SH3D19: variants seen among roughly 807,000 people sequenced by gnomAD.
SH3D19 encodes the protein SH3 domain-containing protein 19.
In SH3D19, 58 loss-of-function variants were observed where a neutral mutation model predicts 112.1. That is an observed-to-expected ratio of 0.52 (90% confidence interval 0.42 to 0.64). SH3D19 has a LOEUF of 0.64. Among genes scored for constraint, SH3D19 ranks in the 30% least tolerant of loss-of-function variants. SH3D19 has a pLI of 0.00. For missense variants in SH3D19, 1,090 were observed against 1,263.4 expected (o/e 0.86, Z 2.08); for synonymous variants, 391 against 448.5 (o/e 0.87, Z 1.62).
intron 1 of SH3D19, among the ~76,000 whole-genome samples, chr4:151,228,866 T>G (rs1436080438): frequency 1.3e-5 from 2 of 151,632 alleles, no homozygotes; most frequent in African/African-American, 4.8e-5. Context: ...CTTTTTTTTT[T>G]TCTTTTGAGA....
At chr4:151,306,298 A>T (rs1728907045) in intron 1 of SH3D19, among the ~76,000 whole-genome samples, 1 of 152,214 alleles carries the variant, frequency 6.6e-6, no homozygotes, top group South Asian at 2.1e-4. Flanking sequence ...AAATTAAAGA[A>T]GAAAAGACTA....
intron 2 of SH3D19, among the ~76,000 whole-genome samples, chr4:151,188,934 T>C (rs534619693): frequency 1.3e-5 from 2 of 152,244 alleles, no homozygotes; most frequent in East Asian, 1.9e-4. Context: ...TCTTAGAAGA[T>C]GGCCATCTGA....
In SH3D19 at chr4:151,173,985, C is replaced by G. The variant is rs1252156418; in HGVS notation, c.1534+685G>C. Among the ~76,000 whole-genome samples, 4 of 152,350 alleles carry G rather than the reference C, an allele frequency of 2.6e-5. No homozygotes were observed. The East Asian group carries it at 7.7e-4, about 29-fold the overall frequency. On this transcript the variant is annotated intron_variant, in intron 7 of 19. Transcript: ENST00000604030. The stretch of plus-strand genomic sequence containing the variant: ...ACAGTTAGAGGAAAGAAAACATACT[C>G]TCTGCCTTCTGGGATATTTAATTGT...
At chr4:151,310,184 G>A (rs1367496799) in intron 1 of SH3D19, among the ~76,000 whole-genome samples, 6 of 136,828 alleles carry the variant, frequency 4.4e-5, no homozygotes, top group Non-Finnish European at 9.2e-5. Context: ...GACCAGCCTG[G>A]TTAACACAGC....
At chr4:151,246,038 A>T (rs1178567222) in intron 1 of SH3D19, among the ~76,000 whole-genome samples, 1 of 130,762 alleles carries the variant, frequency 7.6e-6, no homozygotes, top group Non-Finnish European at 1.8e-5. Context: ...CATTGAAGAC[A>T]TACAAAAAAA....
intron 19 of SH3D19, among the ~76,000 whole-genome samples, chr4:151,123,311 C>T (rs774754002): frequency 2.0e-5 from 3 of 152,142 alleles, no homozygotes; most frequent in Non-Finnish European, 1.5e-5. Context: ...GCTATGTGGC[C>T]GCCAGATTTT....
intron 1 of SH3D19, among the ~76,000 whole-genome samples, chr4:151,235,972 A>G (rs1440350446): frequency 6.6e-6 from 1 of 152,180 alleles, no homozygotes; most frequent in Non-Finnish European, 1.5e-5. Flanking sequence ...CACTTCTCAA[A>G]TGAACTGAAC....
intron 1 of SH3D19, among the ~76,000 whole-genome samples, chr4:151,234,766 TA>T (rs1561387893): frequency 5.6e-4 from 49 of 87,146 alleles, no homozygotes; most frequent in East Asian, 1.9e-3. Flanking sequence ...TTTTTTTTTT[TA>T]GACAGGGGCT....
At chr4:151,169,482 G>A (rs901290136) in intron 7 of SH3D19, among the ~76,000 whole-genome samples, 2 of 152,130 alleles carry the variant, frequency 1.3e-5, no homozygotes, top group African/African-American at 4.8e-5. Context: ...CAGATTAGTG[G>A]GGAGGATAAA....
chr4:151,174,723 G>A lies in SH3D19; in HGVS notation c.1481C>T (p.Pro494Leu), dbSNP rs142380318. ...DLISFDDDVL[P>L]TPSGNLAEES... ...TTCAGCCAGGTTCCCCGATGGGGTGGGCAAAACATCATCATCAAAGCTGAT... is the reference window on the plus strand; with the variant it reads ...TTCAGCCAGGTTCCCCGATGGGGTGAGCAAAACATCATCATCAAAGCTGAT... Residue 494 changes from proline to leucine, a missense_variant, in exon 7 of 20, where the codon CCC (proline) becomes CTC (leucine). Pro to Leu is a moderately conservative substitution (Grantham distance 98). Transcript: ENST00000604030. The A allele has an allele frequency of 4.9e-5, 74 of 1,515,980 alleles. No individual in the cohort carries two copies. Among genetic ancestry groups the A allele is most frequent in the Non-Finnish European group, 6.3e-5 (71 of 1,134,066 alleles). The allele number at this position is 1,515,980 out of a possible 1,614,324, so 93.9% of individuals were successfully genotyped here.
chr4:151,208,567 A>G (rs1415020174), intron 2 of SH3D19, among the ~76,000 whole-genome samples: 1 of 151,958 alleles, frequency 6.6e-6, no homozygotes, highest in Non-Finnish European at 1.5e-5. Context: ...ATGGGGTTTC[A>G]CCATGTTTGT....
At chr4:151,208,268 G>GA (rs1765392610) in intron 2 of SH3D19, among the ~76,000 whole-genome samples, 1 of 152,220 alleles carries the variant, frequency 6.6e-6, no homozygotes, top group South Asian at 2.1e-4. Flanking sequence ...CTCCATGGGT[G>GA]AGAGTTCCAG....
chr4:151,166,047 C>T (rs1337153856), intron 7 of SH3D19: 1 of 197,612 alleles, frequency 5.1e-6, no homozygotes, highest in East Asian at 1.4e-4. Flanking sequence ...CATCCTAAAG[C>T]CTCCCAGATG....
At chr4:151,304,303 T>C (rs1043268378) in intron 1 of SH3D19, among the ~76,000 whole-genome samples, 1 of 152,196 alleles carries the variant, frequency 6.6e-6, no homozygotes, top group Admixed American at 6.5e-5. Context: ...TAGCAACTAA[T>C]GAAACACTGA....
intron 14 of SH3D19, among the ~76,000 whole-genome samples, chr4:151,136,108 A>G (rs1033083750): frequency 6.6e-6 from 1 of 152,224 alleles, no homozygotes; most frequent in Non-Finnish European, 1.5e-5. Context: ...GAAGAAAGGA[A>G]TCTGTATTTA....
intron 1 of SH3D19, among the ~76,000 whole-genome samples, chr4:151,303,849 C>T (rs929854149): frequency 6.6e-6 from 1 of 152,068 alleles, no homozygotes; most frequent in Admixed American, 6.6e-5. Flanking sequence ...CTGAGTGAGG[C>T]TCCTCTTTAT....
chr4:151,313,045 T>C (rs1189386408), intron 1 of SH3D19, among the ~76,000 whole-genome samples: 3 of 148,678 alleles, frequency 2.0e-5, no homozygotes, highest in East Asian at 2.0e-4. Flanking sequence ...GCCGGGATCA[T>C]GTCACTGTAC....
intron 2 of SH3D19, among the ~76,000 whole-genome samples, chr4:151,196,526 C>T (rs1763491887): frequency 6.6e-6 from 1 of 151,660 alleles, no homozygotes; most frequent in African/African-American, 2.4e-5. Flanking sequence ...AAGATATTAG[C>T]TTATCACTAC....
intron 1 of SH3D19, among the ~76,000 whole-genome samples, chr4:151,310,773 T>C (rs1436960363): frequency 1.3e-5 from 2 of 151,626 alleles, no homozygotes; most frequent in African/African-American, 2.4e-5. Flanking sequence ...GGTTTCACCA[T>C]GTTGACCAGG....
Sources: allele counts gnomAD v4.1 joint callset (sites outside exome capture counted in the v4.1 genomes callset), GRCh38; gene constraint gnomAD v4.1.1; transcripts MANE v1.5; gene names NCBI Gene and HGNC (gene_info 2026-07-23, HGNC 2026-07-21).